Variants in GRID2 observed in about 807,000 individuals in gnomAD.
GRID2 encodes the protein glutamate receptor ionotropic, delta-2.
A neutral mutation model predicts 114.8 loss-of-function variants in GRID2; 33 were observed. The observed-to-expected ratio is 0.29, with a 90% CI of 0.22 to 0.38. GRID2 has a LOEUF of 0.38. Ranked by LOEUF, GRID2 falls within the 10% of genes least tolerant of loss-of-function variation. The pLI, the probability that GRID2 is intolerant of heterozygous loss-of-function variation, is 1.00. For missense variants in GRID2, 1,184 were observed against 1,257.7 expected, an observed-to-expected ratio of 0.94 and a Z score of 0.89; for synonymous variants, 505 against 449.9, an observed-to-expected ratio of 1.12 and a Z score of -1.55.
chr4:92,376,665 C>T (rs777529243), intron 1 of GRID2, among the ~76,000 whole-genome samples: 17 of 152,106 alleles, frequency 1.1e-4, no homozygotes, highest in Non-Finnish European at 2.5e-4. Flanking sequence ...GCCCCTGCAA[C>T]AAACTTCTGC....
At chr4:93,025,890 G>A (rs1414731611) in intron 2 of GRID2, among the ~76,000 whole-genome samples, 3 of 151,614 alleles carry the variant, frequency 2.0e-5, no homozygotes, top group South Asian at 2.1e-4. Context: ...TAGAATAAAA[G>A]AGATGATTTT....
At chr4:93,566,213 G>T (rs59075082) in intron 13 of GRID2, among the ~76,000 whole-genome samples, 21,613 of 152,098 alleles carry the variant, frequency 0.14, 3,067 homozygotes, top group African/African-American at 0.37. Flanking sequence ...AGAAACAAAT[G>T]ATTGATGCAC....
chr4:93,033,596 A>G (rs1009685563), intron 2 of GRID2, among the ~76,000 whole-genome samples: 1 of 152,102 alleles, frequency 6.6e-6, no homozygotes, highest in Non-Finnish European at 1.5e-5. Context: ...TCTTTGCCCT[A>G]CATAATACTG....
intron 4 of GRID2, among the ~76,000 whole-genome samples, chr4:93,132,770 T>C (rs1406853752): frequency 1.3e-5 from 2 of 152,086 alleles, no homozygotes; most frequent in Non-Finnish European, 2.9e-5. Context: ...GTATGGAAAT[T>C]TGGCTAAGAA....
chr4:92,835,646 A>G (rs904139176), intron 2 of GRID2, among the ~76,000 whole-genome samples: 1 of 152,124 alleles, frequency 6.6e-6, no homozygotes, highest in East Asian at 1.9e-4. Context: ...CCCCCATGCC[A>G]GTTCTTACCC....
intron 8 of GRID2, among the ~76,000 whole-genome samples, chr4:93,295,581 C>T (rs1754207703): frequency 6.6e-6 from 1 of 151,960 alleles, no homozygotes; most frequent in Admixed American, 6.6e-5. Flanking sequence ...AATTATATCT[C>T]CTCTTCCTCC....
intron 1 of GRID2, among the ~76,000 whole-genome samples, chr4:92,548,146 A>G (rs188782723): frequency 1.4e-4 from 21 of 152,184 alleles, no homozygotes; most frequent in Non-Finnish European, 3.1e-4. Flanking sequence ...ATAGAAGTAG[A>G]AAAATATGGA....
chr4:92,950,756 T>C (rs1366123186), intron 2 of GRID2, among the ~76,000 whole-genome samples: 1 of 152,190 alleles, frequency 6.6e-6, no homozygotes, highest in Non-Finnish European at 1.5e-5. Flanking sequence ...AAGTACTTGT[T>C]TTATAAGCTT....
At chr4:92,640,923 G>C (rs1731310719) in intron 2 of GRID2, among the ~76,000 whole-genome samples, 1 of 151,546 alleles carries the variant, frequency 6.6e-6, no homozygotes, top group Non-Finnish European at 1.5e-5. Flanking sequence ...TCTTAAATTA[G>C]AATGTTATAA....
Position 93,554,101 on chromosome 4 carries a change from T to A in GRID2, c.2193+38690T>A, listed in dbSNP as rs548894622. The stretch of plus-strand genomic sequence containing the variant: ...AGATTCAGTCTCACTATCTCTCTAG[T>A]ACCTTGAAACCATTTTGGTCTACTA... On this transcript the variant is annotated intron_variant, in intron 13 of 15. Coordinates refer to ENST00000282020, the MANE Select transcript of GRID2 (RefSeq NM_001510.4). 2.8e-4 allele frequency among the ~76,000 whole-genome samples: 42 copies of A among 152,298 alleles called. No individual in the cohort carries two copies. The South Asian group carries it at 8.1e-3, about 29-fold the overall frequency.
rs145748066 is a variant in GRID2, at chr4:93,164,701, A to G, written c.736-42703A>G. 1,906 of 434,508 alleles carry G rather than the reference A, an allele frequency of 4.4e-3. 19 individuals carry two copies. The highest frequency in any genetic ancestry group is 7.0e-3 in the Non-Finnish European group (1,481 of 212,684). 26.9% of individuals were successfully genotyped at this position (434,508 alleles called of 1,614,324 possible). A position where few individuals can be genotyped will look rare whatever the true frequency, so the allele number is the denominator to read the frequency against. On this transcript the variant is annotated intron_variant, in intron 4 of 15. Coordinates refer to ENST00000282020, the MANE Select transcript of GRID2 (RefSeq NM_001510.4). ...TCTAGCTTTGGGAGAAAAGTGACAAAATATGCTTAATTTTTTTCCTTTCAT... is the reference window on the plus strand; with the variant it reads ...TCTAGCTTTGGGAGAAAAGTGACAAGATATGCTTAATTTTTTTCCTTTCAT...
At chr4:92,368,186 T>C (rs1416576427) in intron 1 of GRID2, among the ~76,000 whole-genome samples, 1 of 151,892 alleles carries the variant, frequency 6.6e-6, no homozygotes, top group East Asian at 1.9e-4. Flanking sequence ...TGTCATGAAG[T>C]AGAGAATGAA....
chr4:93,028,752 C>T (rs369215701), intron 2 of GRID2, among the ~76,000 whole-genome samples: 4 of 151,984 alleles, frequency 2.6e-5, no homozygotes, highest in African/African-American at 9.7e-5. Flanking sequence ...CCTATACTTT[C>T]ATTTTACTCC....
chr4:92,775,456 A>G (rs1738747871), intron 2 of GRID2, among the ~76,000 whole-genome samples: 1 of 152,186 alleles, frequency 6.6e-6, no homozygotes, highest in Non-Finnish European at 1.5e-5. Flanking sequence ...TTATGTATCA[A>G]CCTTCCAAGA....
intron 5 of GRID2, among the ~76,000 whole-genome samples, chr4:93,214,493 G>A (rs1478731709): frequency 2.6e-5 from 4 of 151,966 alleles, no homozygotes; most frequent in African/African-American, 9.7e-5. Flanking sequence ...CTGTTAAACT[G>A]TTTTTGAGAT....
chr4:93,591,710 A>G (rs1306959596), intron 13 of GRID2, among the ~76,000 whole-genome samples: 6 of 152,090 alleles, frequency 3.9e-5, no homozygotes, highest in Non-Finnish European at 7.4e-5. Context: ...TTGGTAAGGT[A>G]TTGATTATTG....
chr4:93,259,928 A>G (rs1750068738), intron 8 of GRID2, among the ~76,000 whole-genome samples: 1 of 151,764 alleles, frequency 6.6e-6, no homozygotes, highest in African/African-American at 2.4e-5. Context: ...ATGAGTAAGA[A>G]GAGAGAGAAT....
At chr4:92,465,627 T>G (rs2149091263) in intron 1 of GRID2, among the ~76,000 whole-genome samples, 1 of 152,212 alleles carries the variant, frequency 6.6e-6, no homozygotes, top group East Asian at 1.9e-4. Flanking sequence ...GTATTTTTCC[T>G]TTTAATATTG....
chr4:92,885,379 A>G (rs1005791046), intron 2 of GRID2, among the ~76,000 whole-genome samples: 1 of 152,168 alleles, frequency 6.6e-6, no homozygotes, highest in African/African-American at 2.4e-5. Flanking sequence ...TGTTATTGAT[A>G]CGTGGAGGGA....
Sources: allele counts gnomAD v4.1 joint callset (sites outside exome capture counted in the v4.1 genomes callset), GRCh38; gene constraint gnomAD v4.1.1; transcripts MANE v1.5; gene names NCBI Gene and HGNC (gene_info 2026-07-23, HGNC 2026-07-21).